C10orf88: variants seen among roughly 807,000 people sequenced by gnomAD.
The protein encoded by C10orf88 is chromosome 10 open reading frame 88.
In C10orf88, 29 loss-of-function variants were observed where a neutral mutation model predicts 34.2. The observed-to-expected ratio is 0.85, with a 90% CI of 0.63 to 1.16. The LOEUF is 1.16. Ranked by LOEUF, C10orf88 falls within the 50% of genes most tolerant of loss-of-function variation. The pLI is 0.00. For synonymous variants in C10orf88, 194 were observed against 197.4 expected (o/e 0.98, Z 0.15); for missense variants, 507 against 533.2 (o/e 0.95, Z 0.48).
At chr10:122,939,926 A>G (rs1210720484) in intron 4 of C10orf88, among the ~76,000 whole-genome samples, 1 of 151,968 alleles carries the variant, frequency 6.6e-6, no homozygotes, top group Non-Finnish European at 1.5e-5. Context: ...GAATTCACTG[A>G]TTATGAAAAT....
chr10:122,932,527 G>A lies in C10orf88; in HGVS notation c.1238C>T (p.Ala413Val), dbSNP rs931769086. The change falls in exon 6 of 6, where the codon GCT (alanine) becomes GTT (valine). Residue 413 changes from alanine to valine, a missense_variant. Transcript: ENST00000481909. ...ATTTTGCAGCAAATCCAGTAACAAAGCAATCTTATCATCAATGTGCTCCTG... is the reference window on the plus strand; with the variant it reads ...ATTTTGCAGCAAATCCAGTAACAAAACAATCTTATCATCAATGTGCTCCTG... Reference protein sequence around the residue: ...ELQEHIDDKIALLLDLLQNPN... With the variant: ...ELQEHIDDKIVLLLDLLQNPN... 6.8e-6 allele frequency: 11 copies of A among 1,613,990 alleles called. No homozygotes were observed. The highest frequency in any genetic ancestry group is 9.3e-6 in the Non-Finnish European group (11 of 1,179,952).
chr10:122,948,667 C>T lies in C10orf88; in HGVS notation c.630G>A (p.Met210Ile). Reference protein sequence around the residue: ...LSPGAQQLMDMVRCQQRNCIP... With the variant: ...LSPGAQQLMDIVRCQQRNCIP... Reference sequence around the variant, plus strand: ...TACTTACCCGCTGCTGACACCTAACCATATCCATCAACTGCTGAGCTCCAG... The same window carrying T: ...TACTTACCCGCTGCTGACACCTAACTATATCCATCAACTGCTGAGCTCCAG... The change falls in exon 4 of 6, where the codon ATG (methionine) becomes ATA (isoleucine). Residue 210 changes from methionine (M) to isoleucine (I), a missense_variant. Coordinates refer to ENST00000481909, the MANE Select transcript of C10orf88 (RefSeq NM_024942.4). The T allele has an allele frequency of 1.9e-6, 3 of 1,613,822 alleles. No homozygotes were observed. Among genetic ancestry groups the T allele is most frequent in the Non-Finnish European group, 2.5e-6 (3 of 1,179,812 alleles).
intron 4 of C10orf88, among the ~76,000 whole-genome samples, chr10:122,940,966 T>C (rs1444519039): frequency 4.6e-5 from 7 of 152,052 alleles, no homozygotes; most frequent in Non-Finnish European, 1.5e-5. Flanking sequence ...ATACACACAA[T>C]AGAGATTTCT....
intron 4 of C10orf88, among the ~76,000 whole-genome samples, chr10:122,947,123 C>T (rs111415518): frequency 0.022 from 3,414 of 152,092 alleles, 49 homozygotes; most frequent in Middle Eastern, 0.048. Flanking sequence ...ACAGGTGGGC[C>T]AGTTAGGAAT....
chr10:122,940,209 A>G (rs953204935), intron 4 of C10orf88, among the ~76,000 whole-genome samples: 1 of 152,080 alleles, frequency 6.6e-6, no homozygotes, highest in Non-Finnish European at 1.5e-5. Context: ...TTGAATGAAT[A>G]TCATACAATG....
rs144056903 is a variant in C10orf88 at position 122,932,616 on chromosome 10, A to G, written c.1149T>C (p.Ser383=). 6.2e-7 allele frequency: 1 copy of G among 1,613,376 alleles called. No individual in the cohort carries two copies. Among genetic ancestry groups the G allele is most frequent in the East Asian group, 2.2e-5 (1 of 44,854 alleles). ...SICSYLEKIL[S]KNMELMEKKL... ...TCTTTTCCATCAGTTCCATATTTTT[A>G]GAAAGAATCTTTTCCAAGTAGGAGC... is the stretch of plus-strand genomic sequence containing the variant. The change falls in exon 6 of 6, where the codon TCT becomes TCC. Residue 383 remains serine (S), a synonymous_variant. Transcript: ENST00000481909.
chr10:122,945,454 C>T (rs1450069067), intron 4 of C10orf88, among the ~76,000 whole-genome samples: 1 of 152,024 alleles, frequency 6.6e-6, no homozygotes, highest in Non-Finnish European at 1.5e-5. Flanking sequence ...CAGGCAGGTC[C>T]TTCAGGAGGT....
chr10:122,930,933 C>T lies in C10orf88; in HGVS notation c.*1494G>A, dbSNP rs975443829. On this transcript the variant is annotated 3_prime_UTR_variant, in exon 6 of 6. Transcript: ENST00000481909. Reference sequence around the variant, plus strand: ...ACAAACACTGCAGGTTTTATTCAATCGCCACTGAATTGAGAAGCAGGAGTA... The same window carrying T: ...ACAAACACTGCAGGTTTTATTCAATTGCCACTGAATTGAGAAGCAGGAGTA... The T allele has an allele frequency of 4.6e-5, 7 of 152,164 alleles. No homozygotes were observed. Among genetic ancestry groups the T allele is most frequent in the South Asian group, 2.1e-4 (1 of 4,828 alleles). The allele number at this position is 152,164 out of a possible 1,614,324, so 9.4% of individuals were successfully genotyped here. A position where few individuals can be genotyped will look rare whatever the true frequency, so the allele number is the denominator to read the frequency against.
intron 5 of C10orf88, among the ~76,000 whole-genome samples, chr10:122,936,136 G>A (rs970656465): frequency 2.2e-4 from 33 of 151,716 alleles, no homozygotes; most frequent in African/African-American, 8.0e-4. Context: ...TATTTTTAGT[G>A]GTTATAGGAC....
intron 4 of C10orf88, among the ~76,000 whole-genome samples, chr10:122,945,008 A>G (rs1458714097): frequency 6.6e-6 from 1 of 150,446 alleles, no homozygotes; most frequent in Non-Finnish European, 1.5e-5. Flanking sequence ...GTATATATAT[A>G]TATGTATATA....
chr10:122,940,945 A>G (rs186382128), intron 4 of C10orf88, among the ~76,000 whole-genome samples: 1 of 152,216 alleles, frequency 6.6e-6, no homozygotes, highest in East Asian at 1.9e-4. Context: ...GTATAACTAC[A>G]TATATTCTGT....
At chr10:122,943,427 G>A (rs1848604996) in intron 4 of C10orf88, among the ~76,000 whole-genome samples, 2 of 150,232 alleles carry the variant, frequency 1.3e-5, no homozygotes, top group Non-Finnish European at 3.0e-5. Context: ...AACCCTAGAA[G>A]AAAACCTAGG....
At chr10:122,936,570 C>G (rs770005008) in intron 5 of C10orf88, among the ~76,000 whole-genome samples, 77 of 151,964 alleles carry the variant, frequency 5.1e-4, no homozygotes, top group Non-Finnish European at 9.4e-4. Flanking sequence ...TTTGGTTGAG[C>G]TGTAGCTTTA....
rs779692384 is a variant in C10orf88, at chr10:122,954,134, C to A, written c.45G>T (p.Thr15=). The change falls in exon 1 of 6, where the codon ACG becomes ACT. Residue 15 remains threonine (T), a synonymous_variant. Coordinates refer to ENST00000481909, the MANE Select transcript of C10orf88 (RefSeq NM_024942.4). ...TEDGGLTRRP[T]LASSWDVAGG... is the part of the protein sequence containing the mutation. ...CTGCAACATCCCAAGAAGAGGCCAG[C>A]GTGGGGCGGCGGGTGAGGCCCCCGT... The A allele has an allele frequency of 1.3e-6, 2 of 1,585,698 alleles. No homozygotes were observed. Among genetic ancestry groups the A allele is most frequent in the Admixed American group, 3.5e-5 (2 of 57,706 alleles).
chr10:122,953,141 C>G (rs1357299432), intron 1 of C10orf88, 109 bp from the exon 2 acceptor site: 3 of 850,000 alleles, frequency 3.5e-6, no homozygotes, highest in Non-Finnish European at 5.6e-6. Context: ...GCAGTGGCTC[C>G]ATCTCGGCTC....
In C10orf88 at chr10:122,954,087, A is replaced by G; in HGVS notation, c.92T>C (p.Leu31Pro). 2 of 1,572,854 alleles carry G rather than the reference A, an allele frequency of 1.3e-6. No homozygotes were observed. The highest frequency in any genetic ancestry group is 1.7e-6 in the Non-Finnish European group (2 of 1,162,650). Residue 31 changes from leucine (L) to proline (P), a missense_variant, in exon 1 of 6, where the codon CTC becomes CCC. Leu to Pro is a moderately conservative substitution (Grantham distance 98). Transcript: ENST00000481909. ...GCCGAGACCGGCCCGGGTGAGGAGG[A>G]GGCTGTGGGTCAGGGCCCCGCCTGC... Reference protein sequence around the residue: ...DVAGGALTHSLLLTRAGLGPG... With the variant: ...DVAGGALTHSPLLTRAGLGPG...
intron 4 of C10orf88, among the ~76,000 whole-genome samples, chr10:122,945,807 G>A (rs76396078): frequency 0.012 from 1,780 of 152,160 alleles, 33 homozygotes; most frequent in African/African-American, 0.04. Context: ...AAAAAGTTAC[G>A]ATAGGCTGGG....
At chr10:122,945,027 C>A (rs535721880) in intron 4 of C10orf88, among the ~76,000 whole-genome samples, 2 of 147,786 alleles carry the variant, frequency 1.4e-5, no homozygotes, top group Non-Finnish European at 1.5e-5. Context: ...TAGATATATG[C>A]GTGTATATAT....
chr10:122,942,900 C>A (rs1384694860), intron 4 of C10orf88, among the ~76,000 whole-genome samples: 3 of 144,898 alleles, frequency 2.1e-5, no homozygotes, highest in African/African-American at 5.1e-5. Flanking sequence ...GAAGAACATT[C>A]CATGCTCATG....
Sources: gnomAD v4.1 joint callset for allele counts (sites outside exome capture counted in the v4.1 genomes callset) on GRCh38, gnomAD v4.1.1 for gene constraint, MANE v1.5 for transcripts, NCBI Gene and HGNC (gene_info 2026-07-23, HGNC 2026-07-21) for gene names.